The following CLEC6A variants were observed in gnomAD, a reference collection of about 807,000 sequenced individuals.
CLEC6A encodes C-type lectin domain containing 6A, also known as C-type lectin domain family 6 member A.
CLEC6A carries 22 observed loss-of-function variants against 25.7 expected under a neutral mutation model. The observed-to-expected ratio is 0.85, with a 90% CI of 0.61 to 1.22. The LOEUF (loss-of-function observed/expected upper bound fraction) is 1.22. Ranked by LOEUF, CLEC6A falls within the 50% of genes most tolerant of loss-of-function variation. The probability of loss-of-function intolerance (pLI) is 0.00; values close to 1 mark genes in which losing one functional copy is unlikely to be tolerated. For missense variants in CLEC6A, 240 were observed against 236.8 expected, an observed-to-expected ratio of 1.01 and a Z score of -0.09; for synonymous variants, 92 against 76.7, an observed-to-expected ratio of 1.20 and a Z score of -1.04.
chr12:8,461,444 T>G (rs1939752473), intron 3 of CLEC6A, among the ~76,000 whole-genome samples: 1 of 152,224 alleles, frequency 6.6e-6, no homozygotes, highest in African/African-American at 2.4e-5. Flanking sequence ...TGCCCTGAAA[T>G]GGGACAGAGA....
In CLEC6A at chr12:8,472,347, A is replaced by T. The variant is rs142553353; in HGVS notation, c.370-3778A>T. The stretch of plus-strand genomic sequence containing the variant: ...CTTTCGTTCTCAGCCACCACCAAGT[A>T]TCCCAAATATGTTGTGTTTCCTATT... On this transcript the variant is annotated intron_variant, in intron 4 of 5. Coordinates refer to ENST00000382073, the MANE Select transcript of CLEC6A (RefSeq NM_001007033.2). Among the ~76,000 whole-genome samples, 25 of 152,314 alleles carry T rather than the reference A, an allele frequency of 1.6e-4. No individual in the cohort carries two copies. The East Asian group carries it at 3.9e-3, about 24-fold the overall frequency.
intron 4 of CLEC6A, 60 bp from the exon 5 acceptor site, chr12:8,476,065 T>C: frequency 1.8e-6 from 2 of 1,114,018 alleles, no homozygotes; most frequent in Non-Finnish European, 2.7e-6. Flanking sequence ...ATAAGCAACC[T>C]TTACTCTGTT....
At chr12:8,477,185 G>A (rs1565485241) in intron 5 of CLEC6A, 135 bp from the exon 6 acceptor site, 2 of 675,646 alleles carry the variant, frequency 3.0e-6, no homozygotes, top group South Asian at 4.4e-5. Flanking sequence ...GAGGAGAGTA[G>A]TATGAGAAGA....
rs894925819 is a variant in CLEC6A, at chr12:8,457,911, G to A, written c.45G>A (p.Trp15Ter). The change falls in exon 2 of 6, where the codon TGG becomes TGA. Residue 15 changes from tryptophan to a stop codon, truncating the protein, a stop_gained. Transcript: ENST00000382073. LOFTEE classifies it high-confidence loss of function. ...CTGATTGGACAGAGAAAAGAGGCTGGTTGTCCCTGAGACTCTGGTCTGTGG... is the reference window on the plus strand; with the variant it reads ...CTGATTGGACAGAGAAAAGAGGCTGATTGTCCCTGAGACTCTGGTCTGTGG... Reference protein sequence around the residue: ...QQPQSTEKRGWLSLRLWSVAG... With the variant: ...QQPQSTEKRG 3 of 1,613,790 alleles carry A rather than the reference G, an allele frequency of 1.9e-6. No homozygotes were observed. In the East Asian group the frequency reaches 6.7e-5, roughly 36 times the overall value.
chr12:8,462,058 C>A (rs1211044978), intron 3 of CLEC6A, among the ~76,000 whole-genome samples: 1 of 152,156 alleles, frequency 6.6e-6, no homozygotes, highest in African/African-American at 2.4e-5. Context: ...AATCTGTAGC[C>A]TTACCCCCAA....
chr12:8,473,447 T>C (rs1591709942), intron 4 of CLEC6A, among the ~76,000 whole-genome samples: 1 of 152,178 alleles, frequency 6.6e-6, no homozygotes, highest in East Asian at 1.9e-4. Flanking sequence ...ATGGTGTATA[T>C]GTATTATATT....
chr12:8,473,922 G>T (rs963553475), intron 4 of CLEC6A, among the ~76,000 whole-genome samples: 3 of 151,816 alleles, frequency 2.0e-5, no homozygotes, highest in Non-Finnish European at 2.9e-5. Flanking sequence ...TAATGGGGTT[G>T]TTTGTTTCTT....
intron 4 of CLEC6A, among the ~76,000 whole-genome samples, chr12:8,474,644 C>A (rs1406975209): frequency 1.3e-5 from 2 of 152,122 alleles, no homozygotes; most frequent in African/African-American, 2.4e-5. Flanking sequence ...TGTCAGGAAG[C>A]CTCGGGGCAA....
chr12:8,461,147 G>A, intron 3 of CLEC6A: 2 of 1,492,522 alleles, frequency 1.3e-6, no homozygotes, highest in South Asian at 2.3e-5. Context: ...CTTGGAAAGG[G>A]CCATAAGTTC....
At chr12:8,459,344 C>T (rs1321004117) in intron 2 of CLEC6A, among the ~76,000 whole-genome samples, 1 of 151,940 alleles carries the variant, frequency 6.6e-6, no homozygotes, top group Non-Finnish European at 1.5e-5. Flanking sequence ...TTGTGGGAAA[C>T]AGGCAGAATC....
chr12:8,456,171 G>A, intron 1 of CLEC6A, 29 bp downstream of exon 1: 2 of 1,609,670 alleles, frequency 1.2e-6, no homozygotes, highest in Non-Finnish European at 1.7e-6. Flanking sequence ...TCAGAGGAAA[G>A]TGGAAGTGTA....
At chr12:8,469,462 G>T (rs1310751801) in intron 4 of CLEC6A, among the ~76,000 whole-genome samples, 1 of 151,160 alleles carries the variant, frequency 6.6e-6, no homozygotes, top group Admixed American at 6.6e-5. Flanking sequence ...AATCAAAAAA[G>T]ATGCTGCATA....
In CLEC6A at chr12:8,473,286, GCCCGGCC is replaced by G. The variant is rs1939929855; in HGVS notation, c.370-2838_370-2832del. Among the ~76,000 whole-genome samples, 2 of 8,226 alleles carry G rather than the reference GCCCGGCC, an allele frequency of 2.4e-4. 1 individual carries two copies. Among genetic ancestry groups the G allele is most frequent in the Non-Finnish European group, 8.1e-4 (2 of 2,458 alleles). 5.4% of individuals were successfully genotyped at this position (8,226 alleles called of 152,430 possible). On this transcript the variant is annotated intron_variant, in intron 4 of 5. Coordinates refer to ENST00000382073, the MANE Select transcript of CLEC6A (RefSeq NM_001007033.2). ...TGGGATTACAGGCGTGAGCCACCGC[GCCCGGCC>G]AGCTCCTACTTCTTATAAGTGAGAA...
At chr12:8,477,243 AC>A in intron 5 of CLEC6A, 76 bp from the exon 6 acceptor site, 2 of 1,166,514 alleles carry the variant, frequency 1.7e-6, no homozygotes, top group Non-Finnish European at 1.2e-6. Context: ...CACTTTGTTC[AC>A]CCCAGACTTT....
intron 4 of CLEC6A, among the ~76,000 whole-genome samples, chr12:8,474,583 G>A (rs1479131532): frequency 1.3e-5 from 2 of 152,126 alleles, no homozygotes; most frequent in East Asian, 3.8e-4. Flanking sequence ...TATTTAGTAT[G>A]TAACATTTTT....
intron 4 of CLEC6A, 123 bp downstream of exon 4, chr12:8,465,752 A>G: frequency 1.3e-6 from 1 of 744,598 alleles, no homozygotes; most frequent in South Asian, 3.0e-5. Flanking sequence ...ACTGGGTAAC[A>G]GATCTCTAGA....
chr12:8,465,249 T>TG (rs2136360529), intron 3 of CLEC6A, among the ~76,000 whole-genome samples: 1 of 151,702 alleles, frequency 6.6e-6, no homozygotes, highest in Non-Finnish European at 1.5e-5. Context: ...GTGACTTTTT[T>TG]TTTTTTTGCA....
intron 3 of CLEC6A, among the ~76,000 whole-genome samples, chr12:8,461,960 G>T (rs752081338): frequency 6.8e-4 from 104 of 152,306 alleles, no homozygotes; most frequent in African/African-American, 2.4e-3. Context: ...CGATCAGATT[G>T]TTACTGTGTC....
intron 3 of CLEC6A, chr12:8,460,687 A>C (rs1368112781): frequency 7.3e-6 from 11 of 1,497,078 alleles, no homozygotes; most frequent in Non-Finnish European, 1.0e-5. Context: ...CTTTCTTCTG[A>C]GGGTCCGCTG....
Sources: gnomAD v4.1 joint callset for allele counts (sites outside exome capture counted in the v4.1 genomes callset) on GRCh38, gnomAD v4.1.1 for gene constraint, MANE v1.5 for transcripts, NCBI Gene and HGNC (gene_info 2026-07-23, HGNC 2026-07-21) for gene names.